SYT14: variants seen among roughly 807,000 people sequenced by gnomAD.
The protein encoded by SYT14 is synaptotagmin-14.
Under a neutral mutation model 74.2 loss-of-function variants are expected in SYT14, and 32 were observed. The observed-to-expected ratio is 0.43, with a 90% CI of 0.33 to 0.58. The LOEUF (loss-of-function observed/expected upper bound fraction) is 0.58, where lower values mean the gene tolerates loss of function less well. Ranked by LOEUF, SYT14 falls within the 20% of genes least tolerant of loss-of-function variation. The pLI, the probability that SYT14 is intolerant of heterozygous loss-of-function variation, is 0.05. For synonymous variants in SYT14, 298 were observed against 337.7 expected, an observed-to-expected ratio of 0.88 and a Z score of 1.29; for missense variants, 791 against 981.8, an observed-to-expected ratio of 0.81 and a Z score of 2.60.
intron 2 of SYT14, among the ~76,000 whole-genome samples, chr1:209,995,184 A>G (rs1446330187): frequency 3.3e-5 from 5 of 152,212 alleles, no homozygotes; most frequent in Non-Finnish European, 7.4e-5. Flanking sequence ...CCCACTTAAA[A>G]GACACAGAGT....
chr1:210,160,058 G>T (rs1009765795), intron 9 of SYT14, among the ~76,000 whole-genome samples: 1 of 152,108 alleles, frequency 6.6e-6, no homozygotes, highest in African/African-American at 2.4e-5. Context: ...CACATTAAAT[G>T]TACTCTTGCA....
chr1:210,146,379 C>G (rs1218458400), intron 7 of SYT14, among the ~76,000 whole-genome samples: 1 of 151,936 alleles, frequency 6.6e-6, no homozygotes, highest in Non-Finnish European at 1.5e-5. Context: ...ATTTTTGCAA[C>G]TGGCCTGAAG....
intron 5 of SYT14, among the ~76,000 whole-genome samples, chr1:210,056,293 A>T (rs1015437951): frequency 3.9e-5 from 6 of 152,044 alleles, no homozygotes; most frequent in Non-Finnish European, 8.8e-5. Flanking sequence ...AATTGAACCA[A>T]CTAAAAGGTA....
intron 7 of SYT14, among the ~76,000 whole-genome samples, chr1:210,120,365 GTT>G (rs371047537): frequency 3.0e-5 from 4 of 131,656 alleles, no homozygotes; most frequent in Admixed American, 7.2e-5. Context: ...TGTTTTTGCT[GTT>G]TTTTTTTTTT....
At chr1:210,019,131 CA>C (rs1215149823) in intron 4 of SYT14, among the ~76,000 whole-genome samples, 75 of 56,662 alleles carry the variant, frequency 1.3e-3, no homozygotes, top group South Asian at 0.012. Context: ...TGAGACTCCT[CA>C]AAAAAAAAAA....
intron 2 of SYT14, among the ~76,000 whole-genome samples, chr1:210,006,630 C>G (rs1054621713): frequency 4.6e-5 from 7 of 151,902 alleles, no homozygotes; most frequent in Admixed American, 3.9e-4. Context: ...GACAAATCAG[C>G]AATACATCCC....
exon 10 of SYT14, chr1:210,169,457 T>G (rs2083499072): frequency 6.6e-6 from 1 of 151,992 alleles, no homozygotes; most frequent in African/African-American, 2.4e-5. Flanking sequence ...GAAGCAGAGC[T>G]AGAAATTAAT....
At chr1:210,018,443 T>G (rs2080233781) in intron 4 of SYT14, among the ~76,000 whole-genome samples, 1 of 152,170 alleles carries the variant, frequency 6.6e-6, no homozygotes, top group Non-Finnish European at 1.5e-5. Context: ...ATTCTAGCAG[T>G]TTTTTGATTG....
exon 10 of SYT14, chr1:210,169,436 AAC>A (rs2083498563): frequency 6.6e-6 from 1 of 151,884 alleles, no homozygotes; most frequent in Non-Finnish European, 1.5e-5. Flanking sequence ...AGCATATTTA[AAC>A]AGTTGTTTGA....
chr1:210,136,764 G>A (rs1267618813), intron 7 of SYT14, among the ~76,000 whole-genome samples: 3 of 152,086 alleles, frequency 2.0e-5, no homozygotes, highest in African/African-American at 4.8e-5. Context: ...TGGTGGTGCC[G>A]AGGCCCAATA....
chr1:210,079,268 A>G (rs1418088600), intron 5 of SYT14, among the ~76,000 whole-genome samples: 1 of 152,134 alleles, frequency 6.6e-6, no homozygotes, highest in Non-Finnish European at 1.5e-5. Context: ...TATGTTCACT[A>G]TTTGTGGGAT....
At chr1:210,099,692 G>C (rs1215482391) in intron 6 of SYT14, among the ~76,000 whole-genome samples, 1 of 152,114 alleles carries the variant, frequency 6.6e-6, no homozygotes, top group Non-Finnish European at 1.5e-5. Flanking sequence ...TTCTACAAAA[G>C]GAGCAGATAT....
intron 5 of SYT14, among the ~76,000 whole-genome samples, chr1:210,037,764 C>A (rs764990972): frequency 9.9e-5 from 15 of 151,878 alleles, no homozygotes; most frequent in Non-Finnish European, 2.1e-4. Context: ...CTCATGGAAT[C>A]GATTTCTAAT....
At chr1:209,946,232 AG>A (rs2078821512) in intron 1 of SYT14, among the ~76,000 whole-genome samples, 1 of 152,222 alleles carries the variant, frequency 6.6e-6, no homozygotes, top group Non-Finnish European at 1.5e-5. Context: ...TGAAAGGAAG[AG>A]TCACATGTCT....
chr1:210,113,221 G>A (rs1318914073), intron 7 of SYT14, among the ~76,000 whole-genome samples: 1 of 151,170 alleles, frequency 6.6e-6, no homozygotes, highest in African/African-American at 2.5e-5. Flanking sequence ...GCTAGTGTGG[G>A]AGCTGTTTTT....
intron 5 of SYT14, among the ~76,000 whole-genome samples, chr1:210,033,616 T>C (rs1400770915): frequency 2.6e-5 from 4 of 151,822 alleles, no homozygotes; most frequent in Non-Finnish European, 4.4e-5. Flanking sequence ...TATTTCAGTC[T>C]GAGTTGTTGA....
intron 2 of SYT14, among the ~76,000 whole-genome samples, chr1:209,993,094 C>T (rs993981921): frequency 2.0e-5 from 3 of 152,200 alleles, no homozygotes; most frequent in Admixed American, 1.3e-4. Flanking sequence ...TCAGATGTTG[C>T]AGAGCCTGGG....
chr1:210,043,317 G>A (rs188135804), intron 5 of SYT14, among the ~76,000 whole-genome samples: 9 of 152,130 alleles, frequency 5.9e-5, no homozygotes, highest in Admixed American at 5.9e-4. Flanking sequence ...CCTAGTATCT[G>A]TTCCAATTTC....
chr1:210,040,954 C>T (rs980607687), intron 5 of SYT14, among the ~76,000 whole-genome samples: 23 of 152,162 alleles, frequency 1.5e-4, no homozygotes, highest in East Asian at 3.9e-4. Context: ...TGTTCTTCTA[C>T]GGGAGTGGCC....
Sources: gnomAD v4.1 joint callset for allele counts (sites outside exome capture counted in the v4.1 genomes callset) on GRCh38, gnomAD v4.1.1 for gene constraint, MANE v1.5 for transcripts, NCBI Gene and HGNC (gene_info 2026-07-23, HGNC 2026-07-21) for gene names.